TSPAN5: variants seen among roughly 807,000 people sequenced by gnomAD.
TSPAN5 encodes tetraspanin-5.
Under a neutral mutation model 37.1 loss-of-function variants are expected in TSPAN5, and 10 were observed. That is an observed-to-expected ratio of 0.27 (90% CI 0.17 to 0.46). TSPAN5 has a LOEUF of 0.46. Among genes scored for constraint, TSPAN5 ranks in the 20% least tolerant of loss-of-function variants. The pLI is 1.00. For missense variants in TSPAN5, 195 were observed against 326.6 expected, an observed-to-expected ratio of 0.60 and a Z score of 3.11; for synonymous variants, 110 against 118.9, an observed-to-expected ratio of 0.93 and a Z score of 0.48.
intron 1 of TSPAN5, among the ~76,000 whole-genome samples, chr4:98,529,578 G>C (rs1457091128): frequency 6.6e-6 from 1 of 152,160 alleles, no homozygotes; most frequent in African/African-American, 2.4e-5. Context: ...CTGAGCTTAC[G>C]AGACATTAAG....
At chr4:98,553,515 T>A (rs1178829171) in intron 1 of TSPAN5, among the ~76,000 whole-genome samples, 1 of 152,160 alleles carries the variant, frequency 6.6e-6, no homozygotes, top group Non-Finnish European at 1.5e-5. Context: ...AATAATACAA[T>A]TTAAAGATAA....
intron 1 of TSPAN5, among the ~76,000 whole-genome samples, chr4:98,604,484 T>C (rs1459773052): frequency 6.6e-6 from 1 of 152,204 alleles, no homozygotes; most frequent in Non-Finnish European, 1.5e-5. Flanking sequence ...CAATGAACTG[T>C]CTTATAAAAC....
At chr4:98,612,209 G>A (rs1756212539) in intron 1 of TSPAN5, among the ~76,000 whole-genome samples, 1 of 152,114 alleles carries the variant, frequency 6.6e-6, no homozygotes, top group African/African-American at 2.4e-5. Context: ...AGGAAGAGGA[G>A]GGGGAGGAGG....
intron 1 of TSPAN5, among the ~76,000 whole-genome samples, chr4:98,655,360 G>GA (rs1300273310): frequency 1.3e-5 from 2 of 152,088 alleles, no homozygotes; most frequent in Non-Finnish European, 2.9e-5. Flanking sequence ...TGGAACTCAA[G>GA]AAACTCATTC....
chr4:98,481,692 C>T (rs1377436438), intron 4 of TSPAN5, among the ~76,000 whole-genome samples: 3 of 152,082 alleles, frequency 2.0e-5, no homozygotes, highest in African/African-American at 2.4e-5. Context: ...ACTTTAAACC[C>T]GGAGCAAAAC....
Position 98,615,494 on chromosome 4 carries a change from T to C in TSPAN5, c.81+42652A>G, listed in dbSNP as rs1756304673. Among the ~76,000 whole-genome samples, 6 of 152,168 alleles carry C rather than the reference T, an allele frequency of 3.9e-5. 1 individual carries two copies. The highest frequency in any genetic ancestry group is 3.9e-4 in the Admixed American group (6 of 15,286). On this transcript the variant is annotated intron_variant, in intron 1 of 7. Coordinates refer to ENST00000305798, the MANE Select transcript of TSPAN5 (RefSeq NM_005723.4). ...AATGCAGAGATTTCCGAACAATGCT[T>C]TTAGGGAAAAGAAAAAACCTGGCAT...
chr4:98,652,371 T>C (rs949575528), intron 1 of TSPAN5, among the ~76,000 whole-genome samples: 2 of 152,242 alleles, frequency 1.3e-5, no homozygotes, highest in African/African-American at 4.8e-5. Flanking sequence ...TTTTCATTTA[T>C]GAATTTTCAA....
intron 1 of TSPAN5, among the ~76,000 whole-genome samples, chr4:98,517,037 C>G (rs1480296833): frequency 6.6e-6 from 1 of 152,190 alleles, no homozygotes; most frequent in Non-Finnish European, 1.5e-5. Context: ...AGCAACACCA[C>G]AAAACAGATT....
chr4:98,642,054 T>C (rs189428716), intron 1 of TSPAN5, among the ~76,000 whole-genome samples: 34 of 152,304 alleles, frequency 2.2e-4, no homozygotes, highest in African/African-American at 8.2e-4. Flanking sequence ...AAAAGACCAA[T>C]TAAAGCATAG....
chr4:98,518,116 T>C (rs1290654887), intron 1 of TSPAN5, among the ~76,000 whole-genome samples: 1 of 151,330 alleles, frequency 6.6e-6, no homozygotes, highest in African/African-American at 2.4e-5. Flanking sequence ...TTTTTTTAAC[T>C]TTTCCTAGGC....
chr4:98,514,945 A>T (rs1397871111), intron 1 of TSPAN5, among the ~76,000 whole-genome samples: 1 of 152,210 alleles, frequency 6.6e-6, no homozygotes, highest in Non-Finnish European at 1.5e-5. Flanking sequence ...GAAAGAGATC[A>T]GTGTCACGGG....
intron 1 of TSPAN5, among the ~76,000 whole-genome samples, chr4:98,586,151 C>T (rs1755479642): frequency 6.6e-6 from 1 of 152,128 alleles, no homozygotes; most frequent in Non-Finnish European, 1.5e-5. Context: ...GCCAAATGTA[C>T]CAGGAAAGTT....
chr4:98,567,259 G>C (rs540647060), intron 1 of TSPAN5, among the ~76,000 whole-genome samples: 2 of 152,120 alleles, frequency 1.3e-5, no homozygotes, highest in African/African-American at 4.8e-5. Context: ...CTTCCAAATT[G>C]TGGGTAGCCT....
chr4:98,628,569 C>A (rs750710450), intron 1 of TSPAN5, among the ~76,000 whole-genome samples: 17 of 152,170 alleles, frequency 1.1e-4, no homozygotes, highest in Non-Finnish European at 2.1e-4. Context: ...TCTGGCAACA[C>A]AGGTACAGAT....
chr4:98,637,919 A>C (rs1343464545), intron 1 of TSPAN5, among the ~76,000 whole-genome samples: 1 of 152,230 alleles, frequency 6.6e-6, no homozygotes, highest in African/African-American at 2.4e-5. Context: ...CAGTGCTGAA[A>C]GGTGAAAAGA....
At chr4:98,510,295 C>T (rs1753575653) in intron 1 of TSPAN5, among the ~76,000 whole-genome samples, 1 of 152,106 alleles carries the variant, frequency 6.6e-6, no homozygotes, top group South Asian at 2.1e-4. Context: ...TGATAAATTC[C>T]CCTTTGCTCC....
chr4:98,559,672 T>C (rs979397693), intron 1 of TSPAN5, among the ~76,000 whole-genome samples: 1 of 152,198 alleles, frequency 6.6e-6, no homozygotes, highest in African/African-American at 2.4e-5. Context: ...ACTGTAACCA[T>C]AGACAAGCCA....
At chr4:98,489,997 G>C (rs992575959) in intron 2 of TSPAN5, among the ~76,000 whole-genome samples, 1 of 152,232 alleles carries the variant, frequency 6.6e-6, no homozygotes, top group African/African-American at 2.4e-5. Flanking sequence ...TGCTGATGCT[G>C]TGAACCTTTG....
At chr4:98,513,881 GA>G (rs1753671192) in intron 1 of TSPAN5, among the ~76,000 whole-genome samples, 1 of 151,804 alleles carries the variant, frequency 6.6e-6, no homozygotes, top group African/African-American at 2.4e-5. Context: ...TAGATAGATA[GA>G]TAGATAGATA....
Sources: gnomAD v4.1 joint callset for allele counts (sites outside exome capture counted in the v4.1 genomes callset) on GRCh38, gnomAD v4.1.1 for gene constraint, MANE v1.5 for transcripts, NCBI Gene and HGNC (gene_info 2026-07-23, HGNC 2026-07-21) for gene names.